EYA2: variants seen among roughly 807,000 people sequenced by gnomAD.
EYA2 encodes EYA transcriptional coactivator and phosphatase 2.
In EYA2, 31 loss-of-function variants were observed where a neutral mutation model predicts 69.2. That is an observed-to-expected ratio of 0.45 (90% CI 0.34 to 0.60). The LOEUF is 0.60. Among genes scored for constraint, EYA2 ranks in the 20% least tolerant of loss-of-function variants. The pLI, the probability that EYA2 is intolerant of heterozygous loss-of-function variation, is 0.02. For synonymous variants in EYA2, 257 were observed against 279.4 expected (o/e 0.92, Z 0.80); for missense variants, 622 against 701.2 (o/e 0.89, Z 1.28).
chr20:47,188,160 A>T lies in EYA2; in HGVS notation c.*27A>T, dbSNP rs770125168. The T allele has an allele frequency of 1.9e-6, 3 of 1,551,672 alleles. No individual in the cohort carries two copies. Among genetic ancestry groups the T allele is most frequent in the Non-Finnish European group, 2.6e-6 (3 of 1,147,942 alleles). ...AGGATCAGCAGCATCTCCACCTGCCATCTCACCCTCAGACCCCCTCGCCTT... is the reference window on the plus strand; with the variant it reads ...AGGATCAGCAGCATCTCCACCTGCCTTCTCACCCTCAGACCCCCTCGCCTT... On this transcript the variant is annotated 3_prime_UTR_variant, in exon 16 of 16. Coordinates refer to ENST00000327619, the MANE Select transcript of EYA2 (RefSeq NM_005244.5).
At chr20:46,906,022 G>A (rs535929392) in intron 1 of EYA2, among the ~76,000 whole-genome samples, 4 of 152,132 alleles carry the variant, frequency 2.6e-5, no homozygotes, top group Non-Finnish European at 5.9e-5. Flanking sequence ...TTTTAATGAT[G>A]TGGGCACCCT....
chr20:46,985,628 A>G lies in EYA2; in HGVS notation c.-10-4373A>G, dbSNP rs187526118. Among the ~76,000 whole-genome samples, 477 of 152,326 alleles carry G rather than the reference A, an allele frequency of 3.1e-3. 1 individual carries two copies. The highest frequency in any genetic ancestry group is 7.7e-3 in the Admixed American group (118 of 15,302). ...CCTATAGGGACCAGGAGGAAATACCAATGGAAAAAGAGGGTCAAATTTAAG... is the reference window on the plus strand; with the variant it reads ...CCTATAGGGACCAGGAGGAAATACCGATGGAAAAAGAGGGTCAAATTTAAG... On this transcript the variant is annotated intron_variant, in intron 1 of 15. Transcript: ENST00000327619.
chr20:47,026,606 G>C (rs1440656879), intron 5 of EYA2, among the ~76,000 whole-genome samples: 1 of 152,152 alleles, frequency 6.6e-6, no homozygotes, highest in Admixed American at 6.5e-5. Context: ...GATTCTACTA[G>C]TCTATGGATT....
chr20:47,094,691 G>A (rs2032192414), intron 8 of EYA2, among the ~76,000 whole-genome samples: 1 of 152,154 alleles, frequency 6.6e-6, no homozygotes, highest in Non-Finnish European at 1.5e-5. Flanking sequence ...CTTTGTCCTT[G>A]AAAATAATGA....
chr20:47,162,378 C>T (rs1381091196), intron 10 of EYA2, among the ~76,000 whole-genome samples: 2 of 152,140 alleles, frequency 1.3e-5, no homozygotes, highest in African/African-American at 4.8e-5. Flanking sequence ...GTCCCTGGCA[C>T]ATTGAAAGCT....
At chr20:47,123,050 A>G (rs2033092985) in intron 9 of EYA2, among the ~76,000 whole-genome samples, 1 of 152,182 alleles carries the variant, frequency 6.6e-6, no homozygotes, top group Admixed American at 6.5e-5. Context: ...AATAACAATA[A>G]TACTCACCTT....
chr20:46,905,060 A>G (rs1394977167), intron 1 of EYA2, among the ~76,000 whole-genome samples: 2 of 152,176 alleles, frequency 1.3e-5, no homozygotes, highest in Non-Finnish European at 2.9e-5. Flanking sequence ...GTATACAGGT[A>G]TGCCTCTGAG....
chr20:47,037,845 C>T lies in EYA2; in HGVS notation c.415+21548C>T, dbSNP rs138248529. On this transcript the variant is annotated intron_variant, in intron 5 of 15. Coordinates refer to ENST00000327619, the MANE Select transcript of EYA2 (RefSeq NM_005244.5). ...AGCAACCTTAATTCCATCTGAAACC[C>T]TAATTTCCCTTTGCCACACATGTAA... is the stretch of plus-strand genomic sequence containing the variant. 3.8e-4 allele frequency among the ~76,000 whole-genome samples: 58 copies of T among 152,302 alleles called. No individual in the cohort carries two copies. The East Asian group carries it at 9.6e-3, about 25-fold the overall frequency.
chr20:46,978,643 C>T (rs751494252), intron 1 of EYA2: 6 of 534,740 alleles, frequency 1.1e-5, no homozygotes, highest in East Asian at 5.4e-5. Flanking sequence ...TGAGGTGAGG[C>T]GGGCAGGTTC....
At chr20:47,064,288 A>G (rs976305276) in intron 5 of EYA2, among the ~76,000 whole-genome samples, 2 of 152,230 alleles carry the variant, frequency 1.3e-5, no homozygotes, top group Admixed American at 6.5e-5. Flanking sequence ...AAGGTCATCC[A>G]TGCTGTATGT....
intron 9 of EYA2, chr20:47,117,514 G>A: frequency 1.0e-6 from 1 of 985,368 alleles, no homozygotes; most frequent in Non-Finnish European, 1.2e-6. Flanking sequence ...TCCTCCGCGG[G>A]TGTTATTACG....
At chr20:47,058,603 G>A (rs2030746242) in intron 5 of EYA2, among the ~76,000 whole-genome samples, 6 of 152,196 alleles carry the variant, frequency 3.9e-5, no homozygotes, top group Admixed American at 3.3e-4. Context: ...CCAGTGCTTT[G>A]AGAGGTCAAG....
In EYA2 at chr20:47,076,882, C is replaced by A. The variant is rs144123120; in HGVS notation, c.661+2547C>A. 1.7e-3 allele frequency among the ~76,000 whole-genome samples: 261 copies of A among 152,294 alleles called. 2 individuals carry two copies. The highest frequency in any genetic ancestry group is 6.0e-3 in the African/African-American group (249 of 41,560). On this transcript the variant is annotated intron_variant, in intron 7 of 15. Coordinates refer to ENST00000327619, the MANE Select transcript of EYA2 (RefSeq NM_005244.5). ...AATCCTGTCTGCTAATCCATCCCAG[C>A]AAACATAGTTCCTCCTTCTTAGCCA...
At chr20:47,015,797 A>G (rs1426073495) in intron 4 of EYA2, among the ~76,000 whole-genome samples, 1 of 152,224 alleles carries the variant, frequency 6.6e-6, no homozygotes, top group East Asian at 1.9e-4. Flanking sequence ...ACCAGCCTCA[A>G]AGTCCTGCAG....
intron 2 of EYA2, among the ~76,000 whole-genome samples, chr20:46,995,052 C>G (rs1249007872): frequency 1.3e-5 from 2 of 152,090 alleles, no homozygotes; most frequent in African/African-American, 4.8e-5. Flanking sequence ...AAGTGCCCAC[C>G]ACCACACCCA....
intron 7 of EYA2, among the ~76,000 whole-genome samples, chr20:47,078,125 C>G (rs1326519790): frequency 6.6e-6 from 1 of 152,098 alleles, no homozygotes; most frequent in African/African-American, 2.4e-5. Context: ...GTCTTGTTTC[C>G]CTCTGTTCTT....
At chr20:46,933,594 TA>T (rs1425843600) in intron 1 of EYA2, among the ~76,000 whole-genome samples, 1 of 152,190 alleles carries the variant, frequency 6.6e-6, no homozygotes, top group Non-Finnish European at 1.5e-5. Context: ...TGGACACAGC[TA>T]AGTGGTTTTG....
intron 9 of EYA2, among the ~76,000 whole-genome samples, chr20:47,140,033 A>T (rs1206837): frequency 0.63 from 95,349 of 151,984 alleles, 31,838 homozygotes; most frequent in African/African-American, 0.87. Context: ...GGAGGTGACA[A>T]CTTTCAGAAT....
chr20:47,173,509 TAAAAAAAAAAA>T (rs767756028), intron 12 of EYA2, among the ~76,000 whole-genome samples: 1 of 83,650 alleles, frequency 1.2e-5, no homozygotes, highest in Non-Finnish European at 2.2e-5. Context: ...TGAGACCCCG[TAAAAAAAAAAA>T]AAAAAAAAAA....
Sources: gnomAD v4.1 joint callset for allele counts (sites outside exome capture counted in the v4.1 genomes callset) on GRCh38, gnomAD v4.1.1 for gene constraint, MANE v1.5 for transcripts, NCBI Gene and HGNC (gene_info 2026-07-23, HGNC 2026-07-21) for gene names.